MAST4: variants seen among roughly 807,000 people sequenced by gnomAD.
MAST4 encodes microtubule-associated serine/threonine-protein kinase 4.
In MAST4, 89 loss-of-function variants were observed where a neutral mutation model predicts 162.7. The ratio of observed to expected loss-of-function variants is 0.55; its 90% CI spans 0.46 to 0.65. MAST4 has a LOEUF of 0.65. MAST4 is among the 30% of genes least tolerant of loss of function. The pLI, the probability that MAST4 is intolerant of heterozygous loss-of-function variation, is 0.00. For synonymous variants in MAST4, 1,479 were observed against 1,361.1 expected (o/e 1.09, Z -1.91); for missense variants, 3,153 against 3,374.0 (o/e 0.93, Z 1.62).
Position 66,596,548 on chromosome 5 carries a change from G to A in MAST4, c.-108G>A, listed in dbSNP as rs1204444492. ...TGGCGGGGCTCCCTGCAGCCCGGGA[G>A]CGGCAGTGCCAGTGAGCCTGAGCCC... is the stretch of plus-strand genomic sequence containing the variant. On this transcript the variant is annotated 5_prime_UTR_variant, in exon 1 of 29. Transcript: ENST00000403625. The A allele has an allele frequency of 1.5e-5, 19 of 1,235,928 alleles. No homozygotes were observed. The highest frequency in any genetic ancestry group is 6.3e-5 in the East Asian group (2 of 31,674). The allele number at this position is 1,235,928 out of a possible 1,614,324, so 76.6% of individuals were successfully genotyped here.
chr5:66,851,169 G>A (rs1398063769), intron 3 of MAST4, among the ~76,000 whole-genome samples: 2 of 152,160 alleles, frequency 1.3e-5, no homozygotes, highest in African/African-American at 2.4e-5. Context: ...TATTGTAAGA[G>A]CCATAATCTA....
chr5:67,104,696 G>GC, intron 10 of MAST4, 121 bp downstream of exon 10: 1 of 513,770 alleles, frequency 1.9e-6, no homozygotes. Context: ...CAAAAAAGAA[G>GC]GAAAAAAAAA....
intron 1 of MAST4, among the ~76,000 whole-genome samples, chr5:66,652,125 T>A (rs1424863021): frequency 1.3e-5 from 2 of 152,168 alleles, no homozygotes; most frequent in African/African-American, 4.8e-5. Context: ...TGTTGTATAC[T>A]GGGTAAAATT....
intron 12 of MAST4, chr5:67,115,191 G>C (rs994136136): frequency 6.6e-6 from 1 of 151,912 alleles, no homozygotes; most frequent in African/African-American, 2.4e-5. Flanking sequence ...ACCTGTTCCT[G>C]TTCATGATTG....
At chr5:66,927,917 C>T (rs529226278) in intron 4 of MAST4, among the ~76,000 whole-genome samples, 3 of 152,138 alleles carry the variant, frequency 2.0e-5, no homozygotes, top group Non-Finnish European at 4.4e-5. Context: ...GGTTTGTGGG[C>T]AATCTTTTGC....
At chr5:66,907,056 G>A (rs979960316) in intron 4 of MAST4, among the ~76,000 whole-genome samples, 5 of 152,044 alleles carry the variant, frequency 3.3e-5, no homozygotes, top group Middle Eastern at 3.4e-3. Context: ...ACTAAAACTC[G>A]GCTTTTATCA....
intron 1 of MAST4, among the ~76,000 whole-genome samples, chr5:66,648,081 T>A (rs200179161): frequency 0.027 from 2,743 of 102,144 alleles, 38 homozygotes; most frequent in African/African-American, 0.07. Flanking sequence ...TGTGTGTGTG[T>A]GTGAGAGAGA....
chr5:66,743,685 A>G (rs1364504353), intron 1 of MAST4, among the ~76,000 whole-genome samples: 1 of 152,214 alleles, frequency 6.6e-6, no homozygotes, highest in East Asian at 1.9e-4. Context: ...GACTCAGCCC[A>G]GGGAAACAGG....
chr5:66,803,304 C>T (rs954373832), intron 3 of MAST4, among the ~76,000 whole-genome samples: 1 of 152,124 alleles, frequency 6.6e-6, no homozygotes, highest in Non-Finnish European at 1.5e-5. Context: ...TTTTAACAAG[C>T]CTAAATAACT....
chr5:66,872,978 AGTAC>A (rs1761049058), intron 3 of MAST4, among the ~76,000 whole-genome samples: 2 of 152,208 alleles, frequency 1.3e-5, no homozygotes, highest in African/African-American at 2.4e-5. Context: ...TGTGTTCTAT[AGTAC>A]ACTATAAATT....
chr5:66,788,607 C>CCAAGCAAAAAAACAAAAA, intron 2 of MAST4, 63 bp from the exon 3 acceptor site: 6 of 1,373,722 alleles, frequency 4.4e-6, no homozygotes, highest in Non-Finnish European at 5.1e-6. Flanking sequence ...CCCCCACCCC[C>CCAAGCAAAAAAACAAAAA]ATTGCAATAA....
intron 4 of MAST4, among the ~76,000 whole-genome samples, chr5:67,024,086 C>A (rs1194684307): frequency 6.6e-6 from 1 of 151,174 alleles, no homozygotes; most frequent in East Asian, 2.0e-4. Context: ...CCCTGGCCAC[C>A]CCCATTCTAA....
At chr5:66,828,676 A>T in intron 3 of MAST4, 1 of 893,444 alleles carries the variant, frequency 1.1e-6, no homozygotes, top group Non-Finnish European at 1.7e-6. Flanking sequence ...TGATCTCCGA[A>T]GTTGCTGGAG....
At chr5:67,069,438 G>T (rs1279803977) in intron 5 of MAST4, among the ~76,000 whole-genome samples, 1 of 151,698 alleles carries the variant, frequency 6.6e-6, no homozygotes, top group African/African-American at 2.4e-5. Flanking sequence ...TCCATTGGAG[G>T]CATGCTTTTA....
At position 66,736,195 on chromosome 5, in the gene MAST4, C is replaced by T. The variant is rs76464377; in HGVS notation, c.364-23514C>T. Reference sequence around the variant, plus strand: ...ATAAACATTGTTATAGAAGTTAAACCAAACCTTGGGCTGCTTAATGGTGGT... The same window carrying T: ...ATAAACATTGTTATAGAAGTTAAACTAAACCTTGGGCTGCTTAATGGTGGT... On this transcript the variant is annotated intron_variant, in intron 1 of 28. Coordinates refer to ENST00000403625, the MANE Select transcript of MAST4 (RefSeq NM_001164664.2). Among the ~76,000 whole-genome samples, 386 of 152,204 alleles carry T rather than the reference C, an allele frequency of 2.5e-3. 1 individual carries two copies. The highest frequency in any genetic ancestry group is 8.8e-3 in the African/African-American group (366 of 41,512).
At chr5:66,766,829 T>C (rs1321757973) in intron 2 of MAST4, among the ~76,000 whole-genome samples, 1 of 152,184 alleles carries the variant, frequency 6.6e-6, no homozygotes, top group Non-Finnish European at 1.5e-5. Context: ...ATAAAAATGG[T>C]GTGTGTTAAG....
intron 4 of MAST4, among the ~76,000 whole-genome samples, chr5:67,000,756 A>AGGT (rs1554079056): frequency 1.4e-5 from 2 of 141,334 alleles, no homozygotes; most frequent in East Asian, 2.2e-4. Context: ...CTAAAAAAAA[A>AGGT]GGGGGGGGGT....
At chr5:66,984,865 A>G (rs914104335) in intron 4 of MAST4, among the ~76,000 whole-genome samples, 7 of 152,142 alleles carry the variant, frequency 4.6e-5, no homozygotes, top group African/African-American at 1.7e-4. Flanking sequence ...GGTGGGGAAG[A>G]CTTGAGAGGG....
In MAST4 at chr5:67,133,539, A is replaced by G. The variant is rs368570489; in HGVS notation, c.2119A>G (p.Ile707Val). ...CTTGTTGGTTACCTCCATGGGGCAC[A>G]TAAAGCTGACAGATTTTGGATTATC... ...DNLLVTSMGH[I>V]KLTDFGLSKV... The change falls in exon 17 of 29, where the codon ATA becomes GTA. Residue 707 changes from isoleucine (I) to valine (V), a missense_variant. Physicochemically the swap from Ile to Val is conservative, Grantham distance 29 (BLOSUM62 3). Coordinates refer to ENST00000403625, the MANE Select transcript of MAST4 (RefSeq NM_001164664.2). 111 of 1,613,394 alleles carry G rather than the reference A, an allele frequency of 6.9e-5. No homozygotes were observed. In the African/African-American group the frequency reaches 1.4e-3, roughly 20 times the overall value.
Sources: allele counts gnomAD v4.1 joint callset (sites outside exome capture counted in the v4.1 genomes callset), GRCh38; gene constraint gnomAD v4.1.1; transcripts MANE v1.5; gene names NCBI Gene and HGNC (gene_info 2026-07-23, HGNC 2026-07-21).